The following FSTL5 variants were observed in gnomAD, a reference collection of about 807,000 sequenced individuals.
FSTL5 encodes the protein follistatin like 5.
In FSTL5, 62 loss-of-function variants were observed where a neutral mutation model predicts 89.1. The ratio of observed to expected loss-of-function variants is 0.70; its 90% CI spans 0.57 to 0.86. The LOEUF (loss-of-function observed/expected upper bound fraction) is 0.86. Among genes scored for constraint, FSTL5 ranks in the 40% least tolerant of loss-of-function variants. The pLI, the probability that FSTL5 is intolerant of heterozygous loss-of-function variation, is 0.00. For missense variants in FSTL5, 1,057 were observed against 1,001.6 expected (o/e 1.06, Z -0.75); for synonymous variants, 383 against 346.2 (o/e 1.11, Z -1.18).
At chr4:161,414,299 A>G (rs899815733) in intron 15 of FSTL5, among the ~76,000 whole-genome samples, 1 of 152,172 alleles carries the variant, frequency 6.6e-6, no homozygotes, top group African/African-American at 2.4e-5. Flanking sequence ...GTTTTACCAC[A>G]TCTTCAATCC....
intron 5 of FSTL5, among the ~76,000 whole-genome samples, chr4:161,775,238 A>G (rs1177711283): frequency 2.0e-5 from 3 of 152,172 alleles, no homozygotes; most frequent in Non-Finnish European, 4.4e-5. Context: ...TATAGGGATC[A>G]TCAAGAAGTC....
chr4:161,783,405 T>C (rs970234466), intron 4 of FSTL5, among the ~76,000 whole-genome samples: 12 of 151,968 alleles, frequency 7.9e-5, no homozygotes, highest in Admixed American at 2.0e-4. Flanking sequence ...TATCTATAAA[T>C]GATTTGCACA....
At chr4:161,609,460 A>G (rs926269626) in intron 7 of FSTL5, among the ~76,000 whole-genome samples, 1 of 152,120 alleles carries the variant, frequency 6.6e-6, no homozygotes, top group African/African-American at 2.4e-5. Flanking sequence ...TTTCCAAACC[A>G]ACAAATATCC....
At chr4:161,599,750 C>T (rs1424467243) in intron 7 of FSTL5, among the ~76,000 whole-genome samples, 2 of 151,994 alleles carry the variant, frequency 1.3e-5, no homozygotes, top group East Asian at 1.9e-4. Context: ...GTAAAATTTG[C>T]AAATATATTA....
rs961274240 is a variant in FSTL5, at chr4:161,549,956, A to T, written c.1016-7263T>A. 5.3e-5 allele frequency among the ~76,000 whole-genome samples: 8 copies of T among 152,068 alleles called. No homozygotes were observed. The East Asian group carries it at 1.6e-3, about 30-fold the overall frequency. On this transcript the variant is annotated intron_variant, in intron 8 of 15. Coordinates refer to ENST00000306100, the MANE Select transcript of FSTL5 (RefSeq NM_020116.5). ...ATCCTCCAGACTTACTAAAACTATA[A>T]AAGTAATGCAAACCAAGACTAGTTA... is the stretch of plus-strand genomic sequence containing the variant.
At chr4:161,924,386 T>C (rs1245341187) in intron 3 of FSTL5, among the ~76,000 whole-genome samples, 4 of 150,836 alleles carry the variant, frequency 2.7e-5, no homozygotes, top group African/African-American at 2.4e-5. Flanking sequence ...TATTCTTGTC[T>C]ATATGTATAT....
intron 15 of FSTL5, among the ~76,000 whole-genome samples, chr4:161,420,028 A>T (rs1731926956): frequency 6.6e-6 from 1 of 152,232 alleles, no homozygotes; most frequent in South Asian, 2.1e-4. Flanking sequence ...ACCAACAGGA[A>T]ACTGCTGCTC....
chr4:161,670,393 AC>A, intron 6 of FSTL5, among the ~76,000 whole-genome samples: 1 of 152,304 alleles, frequency 6.6e-6, no homozygotes, highest in African/African-American at 2.4e-5. Context: ...AAACCCCAGG[AC>A]ATTAATGTTG....
At chr4:161,999,017 C>T (rs1736385313) in intron 3 of FSTL5, among the ~76,000 whole-genome samples, 1 of 152,136 alleles carries the variant, frequency 6.6e-6, no homozygotes, top group Non-Finnish European at 1.5e-5. Context: ...TCTAATAAGG[C>T]TTGTCTAACC....
At chr4:161,644,526 C>CAAA in intron 7 of FSTL5, among the ~76,000 whole-genome samples, 1 of 133,882 alleles carries the variant, frequency 7.5e-6, no homozygotes, top group Admixed American at 7.6e-5. Context: ...AACTCTGTCT[C>CAAA]AAAAAAAAAA....
At chr4:161,474,283 C>A (rs1277858410) in intron 13 of FSTL5, among the ~76,000 whole-genome samples, 4 of 151,598 alleles carry the variant, frequency 2.6e-5, no homozygotes, top group Admixed American at 6.6e-5. Flanking sequence ...ACACCACGTG[C>A]CAAAAAAATA....
Position 161,780,244 on chromosome 4 carries a change from A to G in FSTL5, c.410-4170T>C, listed in dbSNP as rs534492099. Among the ~76,000 whole-genome samples, 105 of 151,290 alleles carry G rather than the reference A, an allele frequency of 6.9e-4. 2 individuals carry two copies. The highest frequency in any genetic ancestry group is 2.5e-3 in the African/African-American group (102 of 41,448). On this transcript the variant is annotated intron_variant, in intron 4 of 15. Transcript: ENST00000306100. ...ATAATAATTGATAGGAAAGAAAAAC[A>G]TCTAGCACGGTTAATACAGAAGAAG... is the stretch of plus-strand genomic sequence containing the variant.
chr4:161,828,151 A>G (rs969712012), intron 4 of FSTL5, among the ~76,000 whole-genome samples: 5 of 152,120 alleles, frequency 3.3e-5, no homozygotes, highest in South Asian at 2.1e-4. Flanking sequence ...GTCTTCTATC[A>G]CTATATTTTG....
intron 10 of FSTL5, among the ~76,000 whole-genome samples, chr4:161,532,640 T>A (rs182170102): frequency 1.6e-4 from 25 of 152,134 alleles, no homozygotes; most frequent in Non-Finnish European, 3.5e-4. Context: ...ACAATAACAG[T>A]GGGGGGACTT....
intron 7 of FSTL5, among the ~76,000 whole-genome samples, chr4:161,601,511 A>C (rs1260007022): frequency 6.6e-6 from 1 of 152,084 alleles, no homozygotes; most frequent in South Asian, 2.1e-4. Flanking sequence ...GAGCCATATA[A>C]CTACCTAAGG....
chr4:161,600,158 AACACACACACACACACACACACACAC>A (rs71598717), intron 7 of FSTL5, among the ~76,000 whole-genome samples: 4 of 142,066 alleles, frequency 2.8e-5, no homozygotes, highest in Non-Finnish European at 4.6e-5. Flanking sequence ...AATGTCAATA[AACACACACACACACACACACACACAC>A]ACACACACAC....
chr4:161,963,253 GAC>G (rs1481646296), intron 3 of FSTL5, among the ~76,000 whole-genome samples: 4 of 151,700 alleles, frequency 2.6e-5, no homozygotes, highest in African/African-American at 9.7e-5. Context: ...TTGTTCTTAA[GAC>G]ACAGAAATGT....
chr4:161,834,078 A>G (rs1342873878), intron 4 of FSTL5, among the ~76,000 whole-genome samples: 15 of 152,124 alleles, frequency 9.9e-5, no homozygotes, highest in Middle Eastern at 3.2e-3. Flanking sequence ...AAAGAATCCA[A>G]CAGCACATCA....
At chr4:161,761,715 G>T (rs17535939) in intron 5 of FSTL5, among the ~76,000 whole-genome samples, 3,884 of 152,256 alleles carry the variant, frequency 0.026, 68 homozygotes, top group Non-Finnish European at 0.037. Flanking sequence ...AACTTAAGCT[G>T]GGCAGGCCAT....
Sources: gnomAD v4.1 joint callset for allele counts (sites outside exome capture counted in the v4.1 genomes callset) on GRCh38, gnomAD v4.1.1 for gene constraint, MANE v1.5 for transcripts, NCBI Gene and HGNC (gene_info 2026-07-23, HGNC 2026-07-21) for gene names.